The following TMEM108 variants were observed in gnomAD, a reference collection of about 807,000 sequenced individuals.
The protein encoded by TMEM108 is transmembrane protein 108.
TMEM108 carries 12 observed loss-of-function variants against 35.1 expected under a neutral mutation model. The ratio of observed to expected loss-of-function variants is 0.34; its 90% CI spans 0.22 to 0.55. The LOEUF is 0.55. Ranked by LOEUF, TMEM108 falls within the 20% of genes least tolerant of loss-of-function variation. The pLI is 0.89. For synonymous variants in TMEM108, 287 were observed against 308.6 expected (o/e 0.93, Z 0.73); for missense variants, 680 against 753.3 (o/e 0.90, Z 1.14).
intron 2 of TMEM108, among the ~76,000 whole-genome samples, chr3:133,180,750 A>G (rs1056494096): frequency 1.3e-5 from 2 of 152,088 alleles, no homozygotes; most frequent in Non-Finnish European, 2.9e-5. Flanking sequence ...TTTGATAGTG[A>G]TTGTTGGAGC....
chr3:133,100,285 C>T (rs947811631), intron 2 of TMEM108, among the ~76,000 whole-genome samples: 10 of 152,186 alleles, frequency 6.6e-5, no homozygotes. Flanking sequence ...TCTGGAGATA[C>T]AACTATAGTT....
At chr3:133,204,524 G>T (rs1005262783) in intron 2 of TMEM108, among the ~76,000 whole-genome samples, 2 of 152,108 alleles carry the variant, frequency 1.3e-5, no homozygotes, top group African/African-American at 4.8e-5. Flanking sequence ...TGGTTTCAAA[G>T]AATTTATTTA....
chr3:133,374,700 A>T (rs1160695513), intron 3 of TMEM108, among the ~76,000 whole-genome samples: 3 of 152,086 alleles, frequency 2.0e-5, no homozygotes, highest in Non-Finnish European at 2.9e-5. Flanking sequence ...TTATTGTACT[A>T]CTACAAGCTC....
intron 3 of TMEM108, among the ~76,000 whole-genome samples, chr3:133,297,202 G>A (rs1008494490): frequency 4.6e-5 from 7 of 152,186 alleles, no homozygotes; most frequent in African/African-American, 1.2e-4. Context: ...AGATGTGTGC[G>A]TGGCTGAGGC....
At chr3:133,060,641 T>C (rs910839154) in intron 2 of TMEM108, among the ~76,000 whole-genome samples, 2 of 152,214 alleles carry the variant, frequency 1.3e-5, no homozygotes, top group Admixed American at 6.5e-5. Context: ...CTAGAATTTG[T>C]CCACCAATTC....
intron 2 of TMEM108, among the ~76,000 whole-genome samples, chr3:133,070,388 T>A (rs1310959872): frequency 6.6e-6 from 1 of 152,170 alleles, no homozygotes; most frequent in East Asian, 1.9e-4. Context: ...ACTTTGGCAC[T>A]TGCAGGGCTG....
intron 2 of TMEM108, among the ~76,000 whole-genome samples, chr3:133,175,180 C>A (rs1324542056): frequency 6.6e-6 from 1 of 152,088 alleles, no homozygotes; most frequent in African/African-American, 2.4e-5. Flanking sequence ...ACTATGTGAA[C>A]AGACCAAATT....
intron 2 of TMEM108, among the ~76,000 whole-genome samples, chr3:133,154,718 G>A (rs1944852991): frequency 1.3e-5 from 2 of 152,022 alleles, no homozygotes; most frequent in African/African-American, 4.8e-5. Flanking sequence ...TTGTGGGGTG[G>A]GGGGACGGGG....
At chr3:133,156,253 G>A (rs1944880358) in intron 2 of TMEM108, among the ~76,000 whole-genome samples, 1 of 152,158 alleles carries the variant, frequency 6.6e-6, no homozygotes. Context: ...ACAAATATTT[G>A]CCTTTTATGT....
intron 2 of TMEM108, among the ~76,000 whole-genome samples, chr3:133,151,109 A>G (rs1452532366): frequency 6.6e-6 from 1 of 151,752 alleles, no homozygotes; most frequent in African/African-American, 2.4e-5. Flanking sequence ...TTTTTCCAGG[A>G]TATCTTTTAT....
chr3:133,133,060 A>C (rs151021095), intron 2 of TMEM108, among the ~76,000 whole-genome samples: 2,128 of 152,344 alleles, frequency 0.014, 19 homozygotes, highest in Non-Finnish European at 0.023. Context: ...GAGCAAAGAA[A>C]GTGGTTTCTT....
At chr3:133,141,713 A>AGGTTT (rs1944643498) in intron 2 of TMEM108, among the ~76,000 whole-genome samples, 1 of 152,204 alleles carries the variant, frequency 6.6e-6, no homozygotes, top group Non-Finnish European at 1.5e-5. Context: ...AAATACCACA[A>AGGTTT]GGCCCAAACA....
At chr3:133,290,026 C>G (rs1476520627) in intron 3 of TMEM108, among the ~76,000 whole-genome samples, 1 of 152,184 alleles carries the variant, frequency 6.6e-6, no homozygotes, top group African/African-American at 2.4e-5. Flanking sequence ...AACAAGACAG[C>G]AGAGTCCCTG....
At chr3:133,332,765 A>G (rs1421193735) in intron 3 of TMEM108, among the ~76,000 whole-genome samples, 1 of 152,204 alleles carries the variant, frequency 6.6e-6, no homozygotes, top group Non-Finnish European at 1.5e-5. Flanking sequence ...TAAGTTGATC[A>G]TTCACACTGC....
intron 4 of TMEM108, among the ~76,000 whole-genome samples, chr3:133,389,915 T>TTTGATGA (rs1248188434): frequency 8.7e-6 from 1 of 115,460 alleles, no homozygotes; most frequent in Non-Finnish European, 1.9e-5. Flanking sequence ...CACAGGATTT[T>TTTGATGA]TTGATGATGA....
At chr3:133,221,966 A>G (rs1322535521) in intron 2 of TMEM108, among the ~76,000 whole-genome samples, 2 of 152,168 alleles carry the variant, frequency 1.3e-5, no homozygotes, top group Non-Finnish European at 2.9e-5. Context: ...TACCACCATT[A>G]TAGTATTAGA....
Position 133,135,222 on chromosome 3 carries a change from C to T in TMEM108, c.-47+89202C>T, listed in dbSNP as rs1292661740. 2.7e-5 allele frequency among the ~76,000 whole-genome samples: 4 copies of T among 149,282 alleles called. No homozygotes were observed. The South Asian group carries it at 6.4e-4, about 24-fold the overall frequency. ...AATTTCCTTTAGCGGGTCTTTCTCT[C>T]TTCTAATAGCAAACTCCGTAATAGA... On this transcript the variant is annotated intron_variant, in intron 2 of 5. Transcript: ENST00000321871.
intron 3 of TMEM108, among the ~76,000 whole-genome samples, chr3:133,303,587 C>T (rs1306913458): frequency 1.3e-5 from 2 of 152,080 alleles, no homozygotes; most frequent in Non-Finnish European, 2.9e-5. Context: ...ATTGTTTATT[C>T]ATTACTCATT....
intron 2 of TMEM108, among the ~76,000 whole-genome samples, chr3:133,142,075 CA>C (rs1487828156): frequency 5.3e-5 from 8 of 152,270 alleles, no homozygotes; most frequent in East Asian, 1.9e-4. Context: ...CCCATCATGA[CA>C]ACCAAAAATG....
Sources: gnomAD v4.1 joint callset for allele counts (sites outside exome capture counted in the v4.1 genomes callset) on GRCh38, gnomAD v4.1.1 for gene constraint, MANE v1.5 for transcripts, NCBI Gene and HGNC (gene_info 2026-07-23, HGNC 2026-07-21) for gene names.